SENP6: variants seen among roughly 807,000 people sequenced by gnomAD.
The protein encoded by SENP6 is sentrin-specific protease 6.
SENP6 carries 41 observed loss-of-function variants against 134.5 expected under a neutral mutation model. The ratio of observed to expected loss-of-function variants is 0.30; its 90% CI spans 0.24 to 0.40. The LOEUF (loss-of-function observed/expected upper bound fraction) is 0.40, where lower values mean the gene tolerates loss of function less well. Ranked by LOEUF, SENP6 falls within the 10% of genes least tolerant of loss-of-function variation. The probability of loss-of-function intolerance (pLI) is 1.00; values close to 1 mark genes in which losing one functional copy is unlikely to be tolerated. For synonymous variants in SENP6, 395 were observed against 429.8 expected (o/e 0.92, Z 1.00); for missense variants, 1,248 against 1,312.5 (o/e 0.95, Z 0.76).
intron 18 of SENP6, among the ~76,000 whole-genome samples, chr6:75,698,531 C>T (rs1415793573): frequency 6.6e-6 from 1 of 151,902 alleles, no homozygotes; most frequent in Non-Finnish European, 1.5e-5. Context: ...GTGAGGGTCT[C>T]ACTGTGTTGC....
At chr6:75,668,587 C>T (rs2149871463) in intron 10 of SENP6, among the ~76,000 whole-genome samples, 1 of 152,272 alleles carries the variant, frequency 6.6e-6, no homozygotes, top group East Asian at 1.9e-4. Flanking sequence ...GATATTGTCT[C>T]AATCTTGATC....
chr6:75,602,490 A>T lies in SENP6; in HGVS notation c.-35A>T, dbSNP rs1354772793. On this transcript the variant is annotated 5_prime_UTR_variant, in exon 1 of 24. The change abolishes an upstream ATG in the 5' untranslated region. Coordinates refer to ENST00000447266, the MANE Select transcript of SENP6 (RefSeq NM_015571.4). Reference sequence around the variant, plus strand: ...GGCGAGCACGGCGGCGGTGTGGGCCATGGATTAAGAAGGAGGCGGCGTGGG... The same window carrying T: ...GGCGAGCACGGCGGCGGTGTGGGCCTTGGATTAAGAAGGAGGCGGCGTGGG... 6 of 1,550,274 alleles carry T rather than the reference A, an allele frequency of 3.9e-6. No homozygotes were observed. Among genetic ancestry groups the T allele is most frequent in the Non-Finnish European group, 5.2e-6 (6 of 1,146,736 alleles).
At chr6:75,606,572 A>T (rs758394560) in intron 1 of SENP6, among the ~76,000 whole-genome samples, 7 of 152,200 alleles carry the variant, frequency 4.6e-5, no homozygotes, top group Non-Finnish European at 7.3e-5. Context: ...TAATAAAATA[A>T]TACTTTTAAA....
chr6:75,705,713 T>A (rs1775344845), intron 19 of SENP6, among the ~76,000 whole-genome samples: 1 of 150,802 alleles, frequency 6.6e-6, no homozygotes, highest in African/African-American at 2.4e-5. Flanking sequence ...CTTCTTAAAC[T>A]GTGAATAGAT....
chr6:75,659,151 G>A lies in SENP6; in HGVS notation c.551-111G>A. The A allele has an allele frequency of 9.2e-6, 7 of 757,948 alleles. No individual in the cohort carries two copies. In the South Asian group the frequency reaches 1.0e-4, roughly 11 times the overall value. 47.0% of individuals were successfully genotyped at this position (757,948 alleles called of 1,614,324 possible). ...GGAGTGAAAAATAAATAAGAGAAGA[G>A]TAATCCAGGATATAATTATTGGTTT... On this transcript the variant is annotated intron_variant, in intron 7 of 23. Transcript: ENST00000447266.
chr6:75,617,093 G>A (rs979326899), intron 1 of SENP6, among the ~76,000 whole-genome samples: 1 of 151,670 alleles, frequency 6.6e-6, no homozygotes, highest in African/African-American at 2.4e-5. Context: ...TGCCCAGGCT[G>A]GTCTCAAACT....
chr6:75,662,252 T>C (rs1195811941), intron 8 of SENP6, among the ~76,000 whole-genome samples: 1 of 152,188 alleles, frequency 6.6e-6, no homozygotes. Flanking sequence ...CTTCCACTTC[T>C]ACTGACCAAA....
intron 1 of SENP6, among the ~76,000 whole-genome samples, chr6:75,603,365 C>T (rs986659179): frequency 1.2e-4 from 19 of 152,092 alleles, no homozygotes; most frequent in African/African-American, 4.6e-4. Flanking sequence ...CAAAATAGAG[C>T]TAAATGTTAT....
At chr6:75,693,248 T>A (rs547314251) in intron 16 of SENP6, among the ~76,000 whole-genome samples, 17 of 150,580 alleles carry the variant, frequency 1.1e-4, no homozygotes, top group African/African-American at 4.1e-4. Flanking sequence ...AAAAAAAAAA[T>A]ACAGAAATTA....
intron 16 of SENP6, among the ~76,000 whole-genome samples, chr6:75,684,137 G>C (rs1773660759): frequency 6.6e-6 from 1 of 152,096 alleles, no homozygotes; most frequent in African/African-American, 2.4e-5. Context: ...GGATTCCTAG[G>C]TATTTTATTC....
intron 3 of SENP6, among the ~76,000 whole-genome samples, chr6:75,629,993 ACTTTGTT>A (rs1405943190): frequency 6.6e-6 from 1 of 152,136 alleles, no homozygotes; most frequent in Non-Finnish European, 1.5e-5. Flanking sequence ...GATTGGCCAT[ACTTTGTT>A]CTTTGTATCA....
chr6:75,701,671 G>A (rs1775043281), intron 18 of SENP6, among the ~76,000 whole-genome samples: 1 of 110,894 alleles, frequency 9.0e-6, no homozygotes, highest in Non-Finnish European at 1.7e-5. Context: ...ACGGAGTCTC[G>A]CTCTGTCGCC....
intron 18 of SENP6, among the ~76,000 whole-genome samples, chr6:75,702,225 T>G (rs1249971622): frequency 1.3e-5 from 2 of 151,018 alleles, no homozygotes; most frequent in Non-Finnish European, 3.0e-5. Context: ...AGGCTTTTTT[T>G]TTTTTTTTGA....
At chr6:75,619,018 CTT>C (rs34039869) in intron 1 of SENP6, among the ~76,000 whole-genome samples, 22 of 140,430 alleles carry the variant, frequency 1.6e-4, no homozygotes, top group East Asian at 1.0e-3. Flanking sequence ...CACTTTCAGG[CTT>C]TTTTTTTTTT....
intron 1 of SENP6, among the ~76,000 whole-genome samples, chr6:75,605,307 AAG>A (rs990603992): frequency 1.3e-5 from 2 of 152,206 alleles, no homozygotes; most frequent in East Asian, 1.9e-4. Flanking sequence ...TGAAGTGCAT[AAG>A]AGAGTCAAGG....
intron 1 of SENP6, among the ~76,000 whole-genome samples, chr6:75,602,988 G>C (rs926056054): frequency 6.6e-6 from 1 of 152,166 alleles, no homozygotes; most frequent in African/African-American, 2.4e-5. Context: ...AAGTAGGGAG[G>C]GGACAGACAG....
intron 20 of SENP6, among the ~76,000 whole-genome samples, chr6:75,710,566 A>G (rs1419998943): frequency 2.6e-5 from 4 of 152,338 alleles, no homozygotes; most frequent in East Asian, 1.9e-4. Flanking sequence ...TTTACAATGT[A>G]TGGCAACTAA....
intron 7 of SENP6, among the ~76,000 whole-genome samples, chr6:75,649,812 G>T (rs1187908352): frequency 6.6e-6 from 1 of 152,120 alleles, no homozygotes; most frequent in African/African-American, 2.4e-5. Context: ...ACCGCGCCTG[G>T]CCCTTAACCT....
At chr6:75,604,914 A>C (rs1442380393) in intron 1 of SENP6, among the ~76,000 whole-genome samples, 2 of 151,830 alleles carry the variant, frequency 1.3e-5, no homozygotes, top group African/African-American at 2.4e-5. Flanking sequence ...CTCTACTAAA[A>C]ATACAGAAAT....
Sources: allele counts gnomAD v4.1 joint callset (sites outside exome capture counted in the v4.1 genomes callset), GRCh38; gene constraint gnomAD v4.1.1; transcripts MANE v1.5; gene names NCBI Gene and HGNC (gene_info 2026-07-23, HGNC 2026-07-21).